Variants in IMMP2L observed in about 807,000 individuals in gnomAD.
IMMP2L encodes inner mitochondrial membrane peptidase subunit 2.
A neutral mutation model predicts 19.3 loss-of-function variants in IMMP2L; 18 were observed. That is an observed-to-expected ratio of 0.93 (90% confidence interval 0.64 to 1.38). The LOEUF (loss-of-function observed/expected upper bound fraction) is 1.38, where lower values mean the gene tolerates loss of function less well. Ranked by LOEUF, IMMP2L falls within the 40% of genes most tolerant of loss-of-function variation. IMMP2L has a pLI of 0.00. For synonymous variants in IMMP2L, 76 were observed against 73.0 expected (o/e 1.04, Z -0.21); for missense variants, 233 against 218.2 (o/e 1.07, Z -0.43).
At chr7:111,387,701 G>A (rs934110430) in intron 3 of IMMP2L, among the ~76,000 whole-genome samples, 1 of 151,888 alleles carries the variant, frequency 6.6e-6, no homozygotes, top group Non-Finnish European at 1.5e-5. Flanking sequence ...AATACGGCCA[G>A]GCGCAGTGGC....
chr7:110,671,555 T>C (rs1325405775), intron 5 of IMMP2L, among the ~76,000 whole-genome samples: 2 of 152,150 alleles, frequency 1.3e-5, no homozygotes, highest in East Asian at 3.9e-4. Flanking sequence ...TTGCACTGAA[T>C]TGCCTGTCTT....
At chr7:111,058,901 T>C (rs1168194262) in intron 3 of IMMP2L, among the ~76,000 whole-genome samples, 1 of 152,210 alleles carries the variant, frequency 6.6e-6, no homozygotes, top group East Asian at 1.9e-4. Context: ...TTCATTCCAT[T>C]ATCTCACTTT....
chr7:111,020,781 AAAAG>A (rs912910840), intron 3 of IMMP2L, among the ~76,000 whole-genome samples: 2 of 152,180 alleles, frequency 1.3e-5, no homozygotes, highest in Admixed American at 6.5e-5. Context: ...AGAAAAAGAA[AAAAG>A]AAAGAAAGAA....
intron 3 of IMMP2L, among the ~76,000 whole-genome samples, chr7:111,113,444 G>A (rs1187260359): frequency 6.6e-6 from 1 of 151,838 alleles, no homozygotes; most frequent in Non-Finnish European, 1.5e-5. Context: ...CTAGAGAGTA[G>A]TGCTTGCAAG....
In IMMP2L at chr7:111,506,405, T is replaced by C. The variant is rs971554604; in HGVS notation, c.135+14908A>G. On this transcript the variant is annotated intron_variant, in intron 2 of 5. Coordinates refer to ENST00000405709, the MANE Select transcript of IMMP2L (RefSeq NM_032549.4). Reference sequence around the variant, plus strand: ...CATTCCCCCCAAAACTACATCCATATCTTCCTTCTTTTTTCTTTTTCTTGC... The same window carrying C: ...CATTCCCCCCAAAACTACATCCATACCTTCCTTCTTTTTTCTTTTTCTTGC... 4.6e-5 allele frequency among the ~76,000 whole-genome samples: 7 copies of C among 151,836 alleles called. 1 individual carries two copies.
chr7:110,899,205 A>AT (rs1165393931), intron 4 of IMMP2L, among the ~76,000 whole-genome samples: 11 of 152,246 alleles, frequency 7.2e-5, no homozygotes, highest in Admixed American at 5.9e-4. Flanking sequence ...TTATCTACTA[A>AT]TAACATTTCT....
intron 3 of IMMP2L, among the ~76,000 whole-genome samples, chr7:111,307,776 A>G (rs1823038912): frequency 1.3e-5 from 2 of 151,734 alleles, no homozygotes; most frequent in South Asian, 4.2e-4. Context: ...CAACTTCCTT[A>G]GAAATGGCCA....
intron 4 of IMMP2L, among the ~76,000 whole-genome samples, chr7:110,942,706 G>C (rs974761259): frequency 2.6e-5 from 4 of 151,794 alleles, no homozygotes; most frequent in Non-Finnish European, 5.9e-5. Context: ...GGCATGAGCA[G>C]ATTTTTGTTC....
intron 3 of IMMP2L, among the ~76,000 whole-genome samples, chr7:111,459,088 T>G (rs966822093): frequency 3.9e-5 from 6 of 152,122 alleles, no homozygotes; most frequent in African/African-American, 1.4e-4. Flanking sequence ...ATGTAGCAAA[T>G]GTTTCTAATA....
At chr7:111,534,451 TATC>T (rs373027902) in intron 1 of IMMP2L, among the ~76,000 whole-genome samples, 87 of 152,174 alleles carry the variant, frequency 5.7e-4, no homozygotes, top group African/African-American at 1.7e-3. Context: ...TCGTCATCCT[TATC>T]ATCATCATCA....
At chr7:111,149,402 G>T (rs1419896288) in intron 3 of IMMP2L, among the ~76,000 whole-genome samples, 1 of 152,112 alleles carries the variant, frequency 6.6e-6, no homozygotes, top group East Asian at 1.9e-4. Context: ...GGGTTTAGGG[G>T]TGTCAACCCC....
chr7:111,138,154 C>G (rs995766915), intron 3 of IMMP2L, among the ~76,000 whole-genome samples: 2 of 152,126 alleles, frequency 1.3e-5, no homozygotes, highest in Non-Finnish European at 2.9e-5. Flanking sequence ...TTGTATAAAC[C>G]TACTTTAAAA....
intron 5 of IMMP2L, among the ~76,000 whole-genome samples, chr7:110,765,922 T>C (rs1419091620): frequency 6.6e-6 from 1 of 152,200 alleles, no homozygotes; most frequent in African/African-American, 2.4e-5. Context: ...GTGTAAGTTT[T>C]GAGTGGTGTG....
intron 5 of IMMP2L, among the ~76,000 whole-genome samples, chr7:110,685,123 T>C (rs1224559669): frequency 6.6e-6 from 1 of 152,028 alleles, no homozygotes; most frequent in East Asian, 1.9e-4. Context: ...TTGTCTCTAA[T>C]CATAAAAAAA....
intron 4 of IMMP2L, among the ~76,000 whole-genome samples, chr7:110,916,905 A>G (rs1813672246): frequency 6.6e-6 from 1 of 152,162 alleles, no homozygotes; most frequent in African/African-American, 2.4e-5. Flanking sequence ...AATCACAAAA[A>G]AGATGTTTGC....
intron 4 of IMMP2L, among the ~76,000 whole-genome samples, chr7:110,901,120 T>A (rs1359736991): frequency 6.6e-6 from 1 of 152,102 alleles, no homozygotes; most frequent in African/African-American, 2.4e-5. Flanking sequence ...CCTGTCACAC[T>A]CTACTCTTCA....
At chr7:111,538,567 G>A (rs1453554700) in intron 1 of IMMP2L, among the ~76,000 whole-genome samples, 2 of 150,588 alleles carry the variant, frequency 1.3e-5, no homozygotes, top group Non-Finnish European at 3.0e-5. Context: ...TGGAGGCCAA[G>A]GCAGGAGGAT....
intron 5 of IMMP2L, among the ~76,000 whole-genome samples, chr7:110,837,737 T>A (rs1331118361): frequency 6.6e-6 from 1 of 152,058 alleles, no homozygotes; most frequent in Non-Finnish European, 1.5e-5. Flanking sequence ...TTGAGATGAA[T>A]GGGGGTTGGG....
chr7:111,135,462 T>C (rs956967238), intron 3 of IMMP2L, among the ~76,000 whole-genome samples: 1 of 152,132 alleles, frequency 6.6e-6, no homozygotes, highest in African/African-American at 2.4e-5. Flanking sequence ...GCTGTGTCTT[T>C]CTTAGAAGTG....
Sources: gnomAD v4.1 joint callset for allele counts (sites outside exome capture counted in the v4.1 genomes callset) on GRCh38, gnomAD v4.1.1 for gene constraint, MANE v1.5 for transcripts, NCBI Gene and HGNC (gene_info 2026-07-23, HGNC 2026-07-21) for gene names.